Variants in JAK3 observed in about 807,000 individuals in gnomAD.
JAK3 encodes the protein Janus kinase 3, also known as tyrosine-protein kinase JAK3.
JAK3 carries 88 observed loss-of-function variants against 120.8 expected under a neutral mutation model. That is an observed-to-expected ratio of 0.73 (90% CI 0.61 to 0.87). The LOEUF is 0.87. Among genes scored for constraint, JAK3 ranks in the 40% least tolerant of loss-of-function variants. The pLI is 0.00. For synonymous variants in JAK3, 592 were observed against 628.6 expected (o/e 0.94, Z 0.87); for missense variants, 1,254 against 1,501.4 (o/e 0.84, Z 2.72).
chr19:17,830,400 G>T, intron 22 of JAK3, 103 bp downstream of exon 22: 2 of 1,009,770 alleles, frequency 2.0e-6, no homozygotes, highest in Non-Finnish European at 3.0e-6. Flanking sequence ...CTGGGACCAG[G>T]TGACCCCATG....
At chr19:17,844,004 G>A (rs1053284992) in intron 2 of JAK3, 104 bp from the exon 3 acceptor site, 274 of 1,445,766 alleles carry the variant, frequency 1.9e-4, no homozygotes, top group Middle Eastern at 2.3e-4. Flanking sequence ...ATACCTCAAG[G>A]TATGACCAGC....
chr19:17,841,914 C>A lies in JAK3; in HGVS notation c.862-152G>T. The stretch of plus-strand genomic sequence containing the variant: ...CCCCCTCCTATCAACTCCAACCTCT[C>A]AACACCTCCCCTACCCATCCCCAAA... On this transcript the variant is annotated intron_variant, in intron 6 of 23. Coordinates refer to ENST00000458235, the MANE Select transcript of JAK3 (RefSeq NM_000215.4). This position sits in a 1 kb window ranked among gnomAD's most constrained non-coding sequence, Gnocchi z 4.1. 1 of 1,000,796 alleles carries A rather than the reference C, an allele frequency of 1.0e-6. No individual in the cohort carries two copies. Among genetic ancestry groups the A allele is most frequent in the Middle Eastern group, 3.2e-4 (1 of 3,174 alleles). The allele number at this position is 1,000,796 out of a possible 1,614,324, so 62.0% of individuals were successfully genotyped here. A position where few individuals can be genotyped will look rare whatever the true frequency, so the allele number is the denominator to read the frequency against.
At chr19:17,846,014 C>A (rs1364075421) in intron 1 of JAK3, among the ~76,000 whole-genome samples, 1 of 152,042 alleles carries the variant, frequency 6.6e-6, no homozygotes, top group East Asian at 1.9e-4. Flanking sequence ...GACGGGGTTT[C>A]ACCATGTTGG....
chr19:17,827,539 G>C (rs1222174618), intron 23 of JAK3, among the ~76,000 whole-genome samples: 1 of 151,044 alleles, frequency 6.6e-6, no homozygotes, highest in Non-Finnish European at 1.5e-5. Flanking sequence ...TAGAGACGGG[G>C]TTTCACCATG....
At chr19:17,840,581 G>C (rs1020644985) in intron 8 of JAK3, among the ~76,000 whole-genome samples, 39 of 151,948 alleles carry the variant, frequency 2.6e-4, no homozygotes, top group Non-Finnish European at 2.8e-4. Context: ...GGCTAACACC[G>C]TGAAACCCCG....
In JAK3 at chr19:17,836,771, C is replaced by T. The variant is rs3212759; in HGVS notation, c.1786+358G>A. 2.0e-3 allele frequency: 905 copies of T among 454,142 alleles called. 4 individuals carry two copies. Among genetic ancestry groups the T allele is most frequent in the African/African-American group, 0.014 (725 of 51,208 alleles). 28.1% of individuals were successfully genotyped at this position (454,142 alleles called of 1,614,324 possible). A position where few individuals can be genotyped will look rare whatever the true frequency, so the allele number is the denominator to read the frequency against. On this transcript the variant is annotated intron_variant, in intron 13 of 23. Transcript: ENST00000458235. ...GCTCCGTGCTGCCCTCCTCACACCT[C>T]ATCACACCCTGCCTGTCACATTCTA... is the stretch of plus-strand genomic sequence containing the variant.
Position 17,826,697 on chromosome 19 carries a change from C to T in JAK3, c.*46G>A, listed in dbSNP as rs2094204499. On this transcript the variant is annotated 3_prime_UTR_variant, in exon 24 of 24. Coordinates refer to ENST00000458235, the MANE Select transcript of JAK3 (RefSeq NM_000215.4). Reference sequence around the variant, plus strand: ...AGGGGCAGCTCCGGGCCTAAGGTCACACAGCCAGTCAACAGAGACCTAATC... The same window carrying T: ...AGGGGCAGCTCCGGGCCTAAGGTCATACAGCCAGTCAACAGAGACCTAATC... The T allele has an allele frequency of 2.5e-6, 4 of 1,610,244 alleles. No individual in the cohort carries two copies. In the South Asian group the frequency reaches 4.4e-5, roughly 18 times the overall value.
At position 17,831,412 on chromosome 19, in the gene JAK3, C is replaced by T. The variant is rs1389638450; in HGVS notation, c.2806-12G>A. 2 of 1,601,242 alleles carry T rather than the reference C, an allele frequency of 1.2e-6. No homozygotes were observed. The highest frequency in any genetic ancestry group is 2.2e-5 in the East Asian group (1 of 44,860). On this transcript the variant is annotated splice_polypyrimidine_tract_variant and intron_variant, in intron 20 of 23. Transcript: ENST00000458235. The surrounding 1 kb of genome is among the most constrained non-coding windows in gnomAD (Gnocchi z 5.1). ...AGGTACTCCATGCCCTGCGGGCGGG[C>T]GGTGTGAGCGTGCAGAGAGGATCCC... is the stretch of plus-strand genomic sequence containing the variant.
chr19:17,833,295 C>T (rs1003694075), intron 17 of JAK3, among the ~76,000 whole-genome samples: 16 of 152,140 alleles, frequency 1.1e-4, no homozygotes, highest in African/African-American at 2.4e-4. Flanking sequence ...AAACCTAATA[C>T]GGGGCCCTCC....
Position 17,843,973 on chromosome 19 carries a change from C to T in JAK3, c.185-73G>A, listed in dbSNP as rs569262083. On this transcript the variant is annotated intron_variant, in intron 2 of 23. Coordinates refer to ENST00000458235, the MANE Select transcript of JAK3 (RefSeq NM_000215.4). The surrounding 1 kb of genome is among the most constrained non-coding windows in gnomAD (Gnocchi z 5.4). The stretch of plus-strand genomic sequence containing the variant: ...GCCCTTCAGGAGTGCCAGCATCATA[C>T]CCAACCGTCCAGATCCTTCCATACC... 231 of 1,576,502 alleles carry T rather than the reference C, an allele frequency of 1.5e-4. 3 individuals are homozygous for T. In the Middle Eastern group the frequency reaches 1.9e-3, roughly 13 times the overall value.
chr19:17,839,584 C>G lies in JAK3; in HGVS notation c.1334G>C (p.Arg445Pro), dbSNP rs777849274. 6.2e-7 allele frequency: 1 copy of G among 1,611,348 alleles called. No individual in the cohort carries two copies. The highest frequency in any genetic ancestry group is 8.5e-7 in the Non-Finnish European group (1 of 1,179,066). The change falls in exon 10 of 24, where the codon CGA (arginine) becomes CCA (proline). Residue 445 changes from arginine to proline, a missense_variant. Arg to Pro is a moderately radical substitution (Grantham distance 103). Around this residue, in one of 3 missense-constraint regions of JAK3, gnomAD observed 486 missense variants for 503.0 expected, o/e 0.97. Coordinates refer to ENST00000458235, the MANE Select transcript of JAK3 (RefSeq NM_000215.4). ...GAGCTCTCGAAGACTGCTGTGGGGT[C>G]GGCTGAGGCCAACCAGAAGGAAGGT... is the stretch of plus-strand genomic sequence containing the variant. ...TGTFLLVGLS[R>P]PHSSLRELLA...
chr19:17,839,745 T>TC (rs1175882625), intron 9 of JAK3, 82 bp from the exon 10 acceptor site: 5 of 1,255,926 alleles, frequency 4.0e-6, no homozygotes, highest in Admixed American at 2.3e-5. Flanking sequence ...TTTCTTTTTT[T>TC]TTTTTTTTTT....
At chr19:17,829,791 G>T in intron 23 of JAK3, 1 of 459,846 alleles carries the variant, frequency 2.2e-6, no homozygotes, top group Non-Finnish European at 3.9e-6. Context: ...AACCATGAAC[G>T]TCACCACCAT....
At position 17,838,330 on chromosome 19, in the gene JAK3, T is replaced by C. The variant is rs2147688776; in HGVS notation, c.1502A>G (p.Gln501Arg). 1 of 1,614,146 alleles carries C rather than the reference T, an allele frequency of 6.2e-7. No homozygotes were observed. Among genetic ancestry groups the C allele is most frequent in the Non-Finnish European group, 8.5e-7 (1 of 1,180,030 alleles). Residue 501 changes from glutamine to arginine, a missense_variant, in exon 11 of 24, where the codon CAG becomes CGG. Transcript: ENST00000458235. ...ACTCAGCTGGTATTGGGATTGGGGCTGAACCAAGGATGATGTGGGTGGGCT... is the reference window on the plus strand; with the variant it reads ...ACTCAGCTGGTATTGGGATTGGGGCCGAACCAAGGATGATGTGGGTGGGCT... ...GHSPPTSSLV[Q>R]PQSQYQLSQM... is the part of the protein sequence containing the mutation.
At position 17,838,015 on chromosome 19, in the gene JAK3, G is replaced by A. The variant is rs747854515; in HGVS notation, c.1618C>T (p.Arg540Cys). ...GCCTCCCCATCCACCACCTCATGGC[G>A]ACAGCCCCGGTAAATCTTGGTGAAG... is the stretch of plus-strand genomic sequence containing the variant. The part of the protein sequence containing the change: ...GSFTKIYRGC[R>C]HEVVDGEARK... Residue 540 changes from arginine to cysteine, a missense_variant, in exon 12 of 24, where the codon CGC (arginine) becomes TGC (cysteine). By Grantham distance (180) the Arg-to-Cys change is radical. This residue lies in a region of JAK3 where 630 missense variants were observed against 819.8 expected (regional missense o/e 0.77). Coordinates refer to ENST00000458235, the MANE Select transcript of JAK3 (RefSeq NM_000215.4). 3.7e-5 allele frequency: 59 copies of A among 1,613,940 alleles called. No homozygotes were observed. Among genetic ancestry groups the A allele is most frequent in the Non-Finnish European group, 4.6e-5 (54 of 1,180,030 alleles).
In JAK3 at chr19:17,843,577, C is replaced by A; in HGVS notation, c.309-86G>T. The A allele has an allele frequency of 1.7e-6, 2 of 1,189,374 alleles. No individual in the cohort carries two copies. The highest frequency in any genetic ancestry group is 2.5e-6 in the Non-Finnish European group (2 of 807,740). 73.7% of individuals were successfully genotyped at this position (1,189,374 alleles called of 1,614,324 possible). A position where few individuals can be genotyped will look rare whatever the true frequency, so the allele number is the denominator to read the frequency against. On this transcript the variant is annotated intron_variant, in intron 3 of 23. Transcript: ENST00000458235. The surrounding 1 kb of genome is among the most constrained non-coding windows in gnomAD (Gnocchi z 5.4). ...TTATGGTGGGGGCGAGGGACAGATTCTGCGGAGGCCTCACAGAGCCCAGCT... is the reference window on the plus strand; with the variant it reads ...TTATGGTGGGGGCGAGGGACAGATTATGCGGAGGCCTCACAGAGCCCAGCT...
At chr19:17,847,882 T>A in intron 1 of JAK3, 64 bp downstream of exon 1, 533 of 364,376 alleles carry the variant, frequency 1.5e-3, no homozygotes, top group Non-Finnish European at 1.9e-3. Flanking sequence ...AGCCCAGCCA[T>A]CCCCCGCCAC....
chr19:17,840,546 G>A (rs1282620631), intron 8 of JAK3, among the ~76,000 whole-genome samples: 2 of 150,922 alleles, frequency 1.3e-5, no homozygotes, highest in Non-Finnish European at 1.5e-5. Flanking sequence ...GGTGGATCAC[G>A]AGGTCAGGAG....
In JAK3 at chr19:17,838,100, G is replaced by C. The variant is rs187489360; in HGVS notation, c.1570-37C>G. The C allele has an allele frequency of 9.7e-5, 157 of 1,613,926 alleles. 1 individual carries two copies. The East Asian group carries it at 2.1e-3, about 21-fold the overall frequency. ...GGGGACAGCAGAAGAGGCCAGTGAGGGGGTTCCTGCAGGATCCCAGCCCAA... is the reference window on the plus strand; with the variant it reads ...GGGGACAGCAGAAGAGGCCAGTGAGCGGGTTCCTGCAGGATCCCAGCCCAA... On this transcript the variant is annotated intron_variant, in intron 11 of 23. Coordinates refer to ENST00000458235, the MANE Select transcript of JAK3 (RefSeq NM_000215.4).
Sources: allele counts gnomAD v4.1 joint callset (sites outside exome capture counted in the v4.1 genomes callset), GRCh38; gene constraint gnomAD v4.1.1; regional missense constraint gnomAD v4.1.1; non-coding constraint Gnocchi (gnomAD v3.1); transcripts MANE v1.5; gene names NCBI Gene and HGNC (gene_info 2026-07-23, HGNC 2026-07-21).